Variants in R3HDM1 observed in about 807,000 individuals in gnomAD.
R3HDM1 encodes the protein R3H domain containing 1, also known as R3H domain-containing protein 1.
R3HDM1 carries 46 observed loss-of-function variants against 141.1 expected under a neutral mutation model. That is an observed-to-expected ratio of 0.33 (90% CI 0.26 to 0.42). The LOEUF (loss-of-function observed/expected upper bound fraction) is 0.42. Ranked by LOEUF, R3HDM1 falls within the 10% of genes least tolerant of loss-of-function variation. R3HDM1 has a pLI of 1.00. For missense variants in R3HDM1, 1,184 were observed against 1,368.3 expected (o/e 0.87, Z 2.12); for synonymous variants, 435 against 472.9 (o/e 0.92, Z 1.04).
intron 1 of R3HDM1, among the ~76,000 whole-genome samples, chr2:135,536,199 A>ATTTTTT (rs1696072091): frequency 6.6e-6 from 1 of 152,140 alleles, no homozygotes; most frequent in Non-Finnish European, 1.5e-5. Context: ...GAGTGCAGCG[A>ATTTTTT]CAGGATCATA....
chr2:135,581,062 T>G, intron 1 of R3HDM1: 1 of 486,810 alleles, frequency 2.1e-6, no homozygotes, highest in Non-Finnish European at 2.7e-6. Flanking sequence ...ATTATAATGC[T>G]TATATCTTAT....
intron 18 of R3HDM1, among the ~76,000 whole-genome samples, chr2:135,659,836 T>C (rs2066461237): frequency 6.6e-6 from 1 of 152,222 alleles, no homozygotes; most frequent in South Asian, 2.1e-4. Context: ...TTATATACTG[T>C]CTGCTATACT....
intron 5 of R3HDM1, among the ~76,000 whole-genome samples, chr2:135,619,139 A>G (rs924599700): frequency 4.6e-5 from 7 of 152,200 alleles, no homozygotes; most frequent in Non-Finnish European, 1.0e-4. Context: ...TCTGTTGACC[A>G]AAAAACAGAT....
intron 21 of R3HDM1, among the ~76,000 whole-genome samples, chr2:135,697,696 A>G (rs1022977467): frequency 1.3e-5 from 2 of 152,228 alleles, no homozygotes; most frequent in Admixed American, 6.5e-5. Context: ...AAAAACAGTC[A>G]AAACTCAACT....
At chr2:135,642,076 A>G (rs2063844653) in intron 15 of R3HDM1, among the ~76,000 whole-genome samples, 1 of 152,200 alleles carries the variant, frequency 6.6e-6, no homozygotes, top group Admixed American at 6.5e-5. Context: ...ACTACCCACG[A>G]AAGAGCTTTG....
chr2:135,709,592 T>A, intron 22 of R3HDM1, 56 bp downstream of exon 22: 1 of 1,590,878 alleles, frequency 6.3e-7, no homozygotes, highest in Admixed American at 1.8e-5. Context: ...ATAGTTCGAT[T>A]ACTTTCCTTA....
chr2:135,602,438 T>C, intron 1 of R3HDM1, 62 bp from the exon 2 acceptor site: 1 of 1,079,446 alleles, frequency 9.3e-7, no homozygotes, highest in Non-Finnish European at 1.2e-6. Context: ...CTCAGTTTCA[T>C]GTGGAGTGTT....
intron 1 of R3HDM1, among the ~76,000 whole-genome samples, chr2:135,576,293 G>A (rs1221962905): frequency 2.0e-5 from 3 of 151,874 alleles, no homozygotes; most frequent in Non-Finnish European, 2.9e-5. Context: ...GCTTGAACCC[G>A]GGACATCCAA....
chr2:135,643,507 T>C (rs1056794651), intron 15 of R3HDM1, among the ~76,000 whole-genome samples: 3 of 152,324 alleles, frequency 2.0e-5, no homozygotes, highest in East Asian at 1.9e-4. Context: ...ATTTTTCTGT[T>C]TGTGTATTTT....
chr2:135,579,191 A>G (rs949207942), intron 1 of R3HDM1, among the ~76,000 whole-genome samples: 4 of 152,238 alleles, frequency 2.6e-5, no homozygotes, highest in Non-Finnish European at 4.4e-5. Context: ...GTGGCGCCAG[A>G]AAGTAATTCA....
rs77137488 is a variant in R3HDM1 at position 135,694,450 on chromosome 2, C to T, written c.2459+14126C>T. Among the ~76,000 whole-genome samples the T allele has an allele frequency of 4.8e-3, 735 of 152,280 alleles. 18 individuals are homozygous for T. Among genetic ancestry groups the T allele is most frequent in the East Asian group, 0.037 (192 of 5,188 alleles). ...AAGGATCTTTAAAACTTGCATCCTC[C>T]TGACTTCTGTTTTTAGCCAAAATGG... On this transcript the variant is annotated intron_variant, in intron 21 of 26. Transcript: ENST00000683871.
At chr2:135,680,818 A>T (rs1312916057) in intron 21 of R3HDM1, among the ~76,000 whole-genome samples, 3 of 152,214 alleles carry the variant, frequency 2.0e-5, no homozygotes, top group Non-Finnish European at 4.4e-5. Flanking sequence ...AGTACAAGGA[A>T]AGCAGTCCAT....
intron 19 of R3HDM1, among the ~76,000 whole-genome samples, chr2:135,663,610 C>T (rs2067047999): frequency 6.6e-6 from 1 of 152,168 alleles, no homozygotes; most frequent in South Asian, 2.1e-4. Context: ...AGGGCCAGTG[C>T]CAACTGTTGT....
chr2:135,593,723 TTTTA>T lies in R3HDM1; in HGVS notation c.-249-8769_-249-8766del, dbSNP rs536471978. Among the ~76,000 whole-genome samples, 3 of 151,038 alleles carry T rather than the reference TTTTA, an allele frequency of 2.0e-5. No homozygotes were observed. The South Asian group carries it at 6.2e-4, about 31-fold the overall frequency. ...TAGAATTTTCTTTTTTATTTTATTA[TTTTA>T]TTTATTTTTTTGAGACGGAGTCTGA... On this transcript the variant is annotated intron_variant, in intron 1 of 26. Coordinates refer to ENST00000683871, the MANE Select transcript of R3HDM1 (RefSeq NM_001378107.1).
chr2:135,710,060 T>G lies in R3HDM1; in HGVS notation c.2565T>G (p.Ala855=). The change falls in exon 23 of 27, where the codon GCT becomes GCG. Residue 855 remains alanine, a splice_region_variant and synonymous_variant. Coordinates refer to ENST00000683871, the MANE Select transcript of R3HDM1 (RefSeq NM_001378107.1). ...AGCATCCTAAATTCTGATTTTCAGC[T>G]GGACCACCACCGCCACCTGGTGGGG... ...SQQLQGHQCT[A]GPPPPPGGGM... The G allele has an allele frequency of 6.2e-7, 1 of 1,612,910 alleles. No homozygotes were observed. Among genetic ancestry groups the G allele is most frequent in the East Asian group, 2.2e-5 (1 of 44,874 alleles).
chr2:135,590,650 G>T (rs977447754), intron 1 of R3HDM1: 1 of 985,190 alleles, frequency 1.0e-6, no homozygotes, highest in African/African-American at 1.7e-5. Context: ...ATATCTGCTA[G>T]CTCTACATGT....
chr2:135,631,555 T>G (rs913051937), intron 7 of R3HDM1, among the ~76,000 whole-genome samples, 163 bp from the exon 8 acceptor site: 2 of 152,196 alleles, frequency 1.3e-5, no homozygotes, highest in East Asian at 3.8e-4. Context: ...AAATCATCTT[T>G]TGTTTTAAAA....
chr2:135,721,530 C>A (rs2076696188), intron 24 of R3HDM1: 2 of 179,080 alleles, frequency 1.1e-5, no homozygotes, highest in Non-Finnish European at 2.4e-5. Flanking sequence ...ATACTTGTTT[C>A]CCCTGTTCAT....
intron 21 of R3HDM1, among the ~76,000 whole-genome samples, chr2:135,689,130 A>C (rs755459545): frequency 6.6e-6 from 1 of 152,160 alleles, no homozygotes; most frequent in Non-Finnish European, 1.5e-5. Context: ...GATGCCCTCC[A>C]GGTGATTCTA....
Sources: allele counts gnomAD v4.1 joint callset (sites outside exome capture counted in the v4.1 genomes callset), GRCh38; gene constraint gnomAD v4.1.1; transcripts MANE v1.5; gene names NCBI Gene and HGNC (gene_info 2026-07-23, HGNC 2026-07-21).